NRXN1: variants seen among roughly 807,000 people sequenced by gnomAD.
The protein encoded by NRXN1 is neurexin-1.
In NRXN1, 39 loss-of-function variants were observed where a neutral mutation model predicts 150.9. The observed-to-expected ratio is 0.26, with a 90% CI of 0.20 to 0.34. The LOEUF (loss-of-function observed/expected upper bound fraction) is 0.34, where lower values mean the gene tolerates loss of function less well. NRXN1 is among the 10% of genes least tolerant of loss of function. The pLI is 1.00. For missense variants in NRXN1, 1,815 were observed against 1,949.9 expected (o/e 0.93, Z 1.30); for synonymous variants, 924 against 757.0 (o/e 1.22, Z -3.62).
At chr2:50,396,810 A>C (rs779472651) in intron 17 of NRXN1, among the ~76,000 whole-genome samples, 1 of 152,084 alleles carries the variant, frequency 6.6e-6, no homozygotes, top group Non-Finnish European at 1.5e-5. Context: ...AAAGAGGAAA[A>C]ACCTATCATT....
At chr2:50,929,981 T>C (rs1389870239) in intron 2 of NRXN1, among the ~76,000 whole-genome samples, 1 of 152,022 alleles carries the variant, frequency 6.6e-6, no homozygotes, top group Non-Finnish European at 1.5e-5. Flanking sequence ...AAGACGATGT[T>C]CAAAGAGAAA....
intron 3 of NRXN1, among the ~76,000 whole-genome samples, chr2:50,925,674 C>G (rs1462975476): frequency 6.6e-6 from 1 of 151,960 alleles, no homozygotes; most frequent in South Asian, 2.1e-4. Context: ...TTTTCTCATA[C>G]AGAACACTGT....
intron 18 of NRXN1, among the ~76,000 whole-genome samples, chr2:50,136,761 A>C (rs933307678): frequency 1.2e-4 from 18 of 152,362 alleles, no homozygotes; most frequent in African/African-American, 4.1e-4. Context: ...CCATTATCTA[A>C]AAGTTTGAAC....
At chr2:50,884,326 G>C (rs1679903468) in intron 5 of NRXN1, among the ~76,000 whole-genome samples, 1 of 151,624 alleles carries the variant, frequency 6.6e-6, no homozygotes, top group African/African-American at 2.4e-5. Context: ...TGTCAATTTA[G>C]TTTTTTAGCA....
intron 5 of NRXN1, among the ~76,000 whole-genome samples, chr2:50,762,424 T>C (rs150497745): frequency 7.2e-5 from 11 of 151,984 alleles, no homozygotes; most frequent in East Asian, 2.0e-4. Flanking sequence ...TAGGGTATGA[T>C]TGATCCTGTC....
chr2:50,746,740 G>A (rs2105306861), intron 5 of NRXN1, among the ~76,000 whole-genome samples: 1 of 152,222 alleles, frequency 6.6e-6, no homozygotes, highest in Admixed American at 6.5e-5. Flanking sequence ...CTTGTCAGAG[G>A]CTCTTAAGGC....
chr2:50,344,589 G>C (rs1444745106), intron 17 of NRXN1, among the ~76,000 whole-genome samples: 1 of 152,046 alleles, frequency 6.6e-6, no homozygotes, highest in Non-Finnish European at 1.5e-5. Context: ...TCTCTTTTTC[G>C]ATGACAGACA....
intron 17 of NRXN1, among the ~76,000 whole-genome samples, chr2:50,392,567 G>C (rs538487316): frequency 1.3e-3 from 198 of 152,212 alleles, no homozygotes; most frequent in African/African-American, 4.5e-3. Context: ...TCTAAATTTT[G>C]AGCTAAACTC....
intron 5 of NRXN1, among the ~76,000 whole-genome samples, chr2:50,895,646 T>C (rs574077201): frequency 2.8e-4 from 42 of 151,410 alleles, no homozygotes; most frequent in African/African-American, 7.5e-4. Context: ...AATGGCACAA[T>C]CTTGGCTGAC....
chr2:50,440,703 G>C (rs1434897702), intron 17 of NRXN1, among the ~76,000 whole-genome samples: 12 of 151,894 alleles, frequency 7.9e-5, no homozygotes, highest in Admixed American at 7.9e-4. Flanking sequence ...GTGTGGTTTA[G>C]GATTATCACA....
At chr2:50,032,984 T>C (rs1397570879) in intron 21 of NRXN1, among the ~76,000 whole-genome samples, 1 of 151,662 alleles carries the variant, frequency 6.6e-6, no homozygotes, top group Non-Finnish European at 1.5e-5. Context: ...ATATACTGTG[T>C]ATACACATTA....
chr2:50,679,827 A>T (rs529165602), intron 5 of NRXN1, among the ~76,000 whole-genome samples: 2 of 152,038 alleles, frequency 1.3e-5, no homozygotes, highest in Non-Finnish European at 2.9e-5. Flanking sequence ...CTACCTCTAA[A>T]CATCACCTCA....
chr2:50,993,332 A>T (rs977427784), intron 2 of NRXN1, among the ~76,000 whole-genome samples: 18 of 152,036 alleles, frequency 1.2e-4, no homozygotes, highest in Non-Finnish European at 2.1e-4. Context: ...GGCTAGTCTC[A>T]GTGTGCCATA....
chr2:50,268,007 T>C (rs1413988420), intron 17 of NRXN1, among the ~76,000 whole-genome samples: 2 of 151,956 alleles, frequency 1.3e-5, no homozygotes, highest in Admixed American at 6.6e-5. Context: ...CTGGGTAACA[T>C]GGCGAAACCT....
At chr2:50,501,123 G>T (rs969921229) in intron 13 of NRXN1, among the ~76,000 whole-genome samples, 1 of 152,200 alleles carries the variant, frequency 6.6e-6, no homozygotes, top group African/African-American at 2.4e-5. Flanking sequence ...ATTTAAGCTA[G>T]ATTTGAAGAA....
At chr2:51,025,622 A>T (rs1670322701) in intron 2 of NRXN1, among the ~76,000 whole-genome samples, 2 of 152,202 alleles carry the variant, frequency 1.3e-5, no homozygotes. Context: ...GATACTTAAG[A>T]CAATTTTCCC....
chr2:50,548,515 A>T (rs1036264268), intron 9 of NRXN1, among the ~76,000 whole-genome samples: 1 of 152,180 alleles, frequency 6.6e-6, no homozygotes, highest in Non-Finnish European at 1.5e-5. Context: ...AATGTAAAAA[A>T]TGATGCTGCT....
intron 17 of NRXN1, among the ~76,000 whole-genome samples, chr2:50,287,174 A>G (rs1351468571): frequency 6.6e-6 from 1 of 152,164 alleles, no homozygotes; most frequent in African/African-American, 2.4e-5. Flanking sequence ...ACTTACGTTC[A>G]GTGCTTTACA....
At chr2:50,932,601 G>T (rs1687922357) in intron 2 of NRXN1, among the ~76,000 whole-genome samples, 1 of 152,014 alleles carries the variant, frequency 6.6e-6, no homozygotes, top group Non-Finnish European at 1.5e-5. Context: ...AGAGGAGTAA[G>T]GGATACAAGA....
Sources: gnomAD v4.1 joint callset for allele counts (sites outside exome capture counted in the v4.1 genomes callset) on GRCh38, gnomAD v4.1.1 for gene constraint, MANE v1.5 for transcripts, NCBI Gene and HGNC (gene_info 2026-07-23, HGNC 2026-07-21) for gene names.